Variants in ARL15 observed in about 807,000 individuals in gnomAD.
The protein encoded by ARL15 is ADP-ribosylation factor-like protein 15.
A neutral mutation model predicts 25.2 loss-of-function variants in ARL15; 19 were observed. The ratio of observed to expected loss-of-function variants is 0.75; its 90% CI spans 0.53 to 1.10. The LOEUF is 1.10. ARL15 is among the 50% of genes least tolerant of loss of function. The probability of loss-of-function intolerance (pLI) is 0.00; values close to 1 mark genes in which losing one functional copy is unlikely to be tolerated. For missense variants in ARL15, 220 were observed against 246.0 expected, an observed-to-expected ratio of 0.89 and a Z score of 0.71; for synonymous variants, 94 against 86.8, an observed-to-expected ratio of 1.08 and a Z score of -0.46.
rs1418814508 is a variant in ARL15 at position 53,979,743 on chromosome 5, T to G, written c.463-93030A>C. Among the ~76,000 whole-genome samples, 3 of 152,156 alleles carry G rather than the reference T, an allele frequency of 2.0e-5. No homozygotes were observed. The East Asian group carries it at 5.8e-4, about 29-fold the overall frequency. ...ACTGACACATAAAACTGGGGGAATT[T>G]TCCCCAGCAAGAGATGCCAAAATAA... is the stretch of plus-strand genomic sequence containing the variant. On this transcript the variant is annotated intron_variant, in intron 4 of 4. Transcript: ENST00000504924.
At chr5:54,130,238 A>G (rs940189317) in intron 3 of ARL15, among the ~76,000 whole-genome samples, 2 of 152,132 alleles carry the variant, frequency 1.3e-5, no homozygotes, top group Non-Finnish European at 2.9e-5. Context: ...AAACAAACAA[A>G]CAAGCAAAAC....
intron 4 of ARL15, among the ~76,000 whole-genome samples, chr5:54,019,116 TATC>T (rs1039604820): frequency 6.6e-6 from 1 of 152,078 alleles, no homozygotes; most frequent in African/African-American, 2.4e-5. Flanking sequence ...ATGAATTTAT[TATC>T]ATAAAGTATA....
chr5:54,202,965 C>A (rs964822173), intron 1 of ARL15, among the ~76,000 whole-genome samples: 1 of 152,098 alleles, frequency 6.6e-6, no homozygotes, highest in Non-Finnish European at 1.5e-5. Flanking sequence ...ACCATTTTTC[C>A]ATTATAAGGA....
At chr5:54,187,809 TCCTTTCA>T (rs1338740810) in intron 1 of ARL15, among the ~76,000 whole-genome samples, 2 of 152,224 alleles carry the variant, frequency 1.3e-5, no homozygotes, top group Non-Finnish European at 2.9e-5. Context: ...ATTTTTGCTT[TCCTTTCA>T]CCTTCAATGT....
intron 3 of ARL15, among the ~76,000 whole-genome samples, chr5:54,154,177 T>C (rs1754151401): frequency 6.6e-6 from 1 of 152,188 alleles, no homozygotes; most frequent in South Asian, 2.1e-4. Flanking sequence ...AAATACATTC[T>C]AAAAAGATCT....
intron 4 of ARL15, among the ~76,000 whole-genome samples, chr5:54,036,162 A>G (rs1250154380): frequency 6.6e-6 from 1 of 152,086 alleles, no homozygotes. Flanking sequence ...AAAAAAGAAA[A>G]AAAAAAAGGG....
chr5:53,941,489 T>G (rs1051072027), intron 4 of ARL15, among the ~76,000 whole-genome samples: 1 of 152,214 alleles, frequency 6.6e-6, no homozygotes, highest in African/African-American at 2.4e-5. Flanking sequence ...ATCATTTTCT[T>G]AAGAATCAAA....
At chr5:54,198,334 T>C (rs1330632287) in intron 1 of ARL15, among the ~76,000 whole-genome samples, 1 of 152,104 alleles carries the variant, frequency 6.6e-6, no homozygotes, top group African/African-American at 2.4e-5. Context: ...GGTATTCAAT[T>C]AGGAAAAGAG....
At chr5:54,060,567 G>A (rs573685890) in intron 4 of ARL15, among the ~76,000 whole-genome samples, 5 of 152,294 alleles carry the variant, frequency 3.3e-5, no homozygotes, top group South Asian at 2.1e-4. Flanking sequence ...CCATGATTGT[G>A]AGGCCTCCCC....
intron 4 of ARL15, among the ~76,000 whole-genome samples, chr5:54,005,257 C>T (rs1023763699): frequency 6.5e-5 from 9 of 137,670 alleles, no homozygotes; most frequent in Admixed American, 7.4e-5. Context: ...AAGACACCCC[C>T]ACTCCAAACA....
chr5:54,018,204 C>G (rs76953961), intron 4 of ARL15, among the ~76,000 whole-genome samples: 4,916 of 152,172 alleles, frequency 0.032, 85 homozygotes, highest in Non-Finnish European at 0.053. Context: ...AGCTCAAATG[C>G]ACATTTTTTT....
chr5:53,985,245 C>T (rs931855014), intron 4 of ARL15, among the ~76,000 whole-genome samples: 4 of 152,180 alleles, frequency 2.6e-5, no homozygotes, highest in African/African-American at 9.7e-5. Flanking sequence ...CACACTCTCA[C>T]ACTCCTCCCC....
At chr5:53,913,635 T>TA (rs1745535999) in intron 4 of ARL15, among the ~76,000 whole-genome samples, 1 of 152,192 alleles carries the variant, frequency 6.6e-6, no homozygotes, top group East Asian at 1.9e-4. Flanking sequence ...CAATAATACC[T>TA]ATATCACAAG....
intron 1 of ARL15, among the ~76,000 whole-genome samples, chr5:54,208,806 C>A (rs1246148186): frequency 6.6e-6 from 1 of 152,076 alleles, no homozygotes; most frequent in Non-Finnish European, 1.5e-5. Flanking sequence ...TTCAGGGGGC[C>A]CCCCAGTGAC....
rs1258385258 is a variant in ARL15, at chr5:53,936,790, T to C, written c.463-50077A>G. On this transcript the variant is annotated intron_variant, in intron 4 of 4. Transcript: ENST00000504924. ...ACAAGAGCCAGTTAAGCAGTGAGAGTTCCTCTGCTGGGGTTCGCTAGAGGG... is the reference window on the plus strand; with the variant it reads ...ACAAGAGCCAGTTAAGCAGTGAGAGCTCCTCTGCTGGGGTTCGCTAGAGGG... Among the ~76,000 whole-genome samples the C allele has an allele frequency of 2.0e-5, 3 of 152,054 alleles. No individual in the cohort carries two copies. The South Asian group carries it at 6.2e-4, about 32-fold the overall frequency.
intron 4 of ARL15, among the ~76,000 whole-genome samples, chr5:53,909,017 G>A (rs892940910): frequency 5.9e-5 from 9 of 152,194 alleles, no homozygotes; most frequent in African/African-American, 2.2e-4. Flanking sequence ...CATAGGTGGA[G>A]TCTTCAGCTT....
chr5:54,050,721 C>T (rs1404278326), intron 4 of ARL15, among the ~76,000 whole-genome samples: 1 of 152,114 alleles, frequency 6.6e-6, no homozygotes, highest in African/African-American at 2.4e-5. Flanking sequence ...CATTCTCTTA[C>T]CCGTGATCGC....
rs116933516 is a variant in ARL15, at chr5:54,231,669, A to C, written c.49-59741T>G. Among the ~76,000 whole-genome samples, 293 of 152,292 alleles carry C rather than the reference A, an allele frequency of 1.9e-3. 3 individuals carry two copies. In the East Asian group the frequency reaches 0.038, roughly 20 times the overall value. On this transcript the variant is annotated intron_variant, in intron 1 of 4. Coordinates refer to ENST00000504924, the MANE Select transcript of ARL15 (RefSeq NM_019087.3). ...ACAGTTCTGCAGGTCGGAAAGTCCA[A>C]GATCAAAGTTTGAGAGGGTTCAGTT...
intron 1 of ARL15, among the ~76,000 whole-genome samples, chr5:54,192,647 GA>G (rs1755439030): frequency 9.2e-6 from 1 of 108,848 alleles, no homozygotes; most frequent in African/African-American, 3.6e-5. Context: ...TCATGCTAAT[GA>G]CAAAGAGTTG....
Sources: allele counts gnomAD v4.1 joint callset (sites outside exome capture counted in the v4.1 genomes callset), GRCh38; gene constraint gnomAD v4.1.1; transcripts MANE v1.5; gene names NCBI Gene and HGNC (gene_info 2026-07-23, HGNC 2026-07-21).